Variants in ACBD6 observed in about 807,000 individuals in gnomAD.
ACBD6 encodes acyl-CoA binding domain containing 6.
Under a neutral mutation model 37.2 loss-of-function variants are expected in ACBD6, and 28 were observed. That is an observed-to-expected ratio of 0.75 (90% CI 0.56 to 1.03). ACBD6 has a LOEUF of 1.03. Ranked by LOEUF, ACBD6 falls within the 50% of genes least tolerant of loss-of-function variation. The probability of loss-of-function intolerance (pLI) is 0.00; values close to 1 mark genes in which losing one functional copy is unlikely to be tolerated. For missense variants in ACBD6, 340 were observed against 337.4 expected, an observed-to-expected ratio of 1.01 and a Z score of -0.06; for synonymous variants, 113 against 126.8, an observed-to-expected ratio of 0.89 and a Z score of 0.73.
chr1:180,475,961 T>C (rs939000296), intron 3 of ACBD6, among the ~76,000 whole-genome samples: 2 of 152,192 alleles, frequency 1.3e-5, no homozygotes, highest in Non-Finnish European at 2.9e-5. Context: ...AAATTTGTTA[T>C]TGAATATATT....
chr1:180,447,855 C>A (rs1649531358), intron 3 of ACBD6, among the ~76,000 whole-genome samples: 1 of 151,448 alleles, frequency 6.6e-6, no homozygotes, highest in Non-Finnish European at 1.5e-5. Context: ...GCAAGCAAAA[C>A]AAATGGTTAA....
intron 5 of ACBD6, among the ~76,000 whole-genome samples, chr1:180,406,344 T>A (rs1647624878): frequency 6.6e-6 from 1 of 152,026 alleles, no homozygotes; most frequent in South Asian, 2.1e-4. Flanking sequence ...TTCCTTGGAG[T>A]GTCACACTGT....
intron 6 of ACBD6, among the ~76,000 whole-genome samples, chr1:180,337,790 A>G (rs1478727067): frequency 6.6e-6 from 1 of 152,240 alleles, no homozygotes; most frequent in Admixed American, 6.5e-5. Context: ...TAAGCTGATA[A>G]GCAACTTCAG....
chr1:180,394,284 C>A lies in ACBD6; in HGVS notation c.663+3232G>T, dbSNP rs756695872. Among the ~76,000 whole-genome samples, 101 of 151,812 alleles carry A rather than the reference C, an allele frequency of 6.7e-4. 1 individual carries two copies. The highest frequency in any genetic ancestry group is 3.9e-4 in the Admixed American group (6 of 15,232). Reference sequence around the variant, plus strand: ...AAAAAAAAATGTGTGGAGATGGGGTCTCACTATGTTGCCCAGGCTGGTCTC... The same window carrying A: ...AAAAAAAAATGTGTGGAGATGGGGTATCACTATGTTGCCCAGGCTGGTCTC... On this transcript the variant is annotated intron_variant, in intron 6 of 7. Transcript: ENST00000367595.
chr1:180,325,324 C>T (rs529343311), intron 6 of ACBD6, among the ~76,000 whole-genome samples: 20 of 152,240 alleles, frequency 1.3e-4, no homozygotes, highest in African/African-American at 3.9e-4. Context: ...TCTTCAAGCT[C>T]ACAAATTCTT....
chr1:180,387,784 T>A (rs1291043445), intron 6 of ACBD6, among the ~76,000 whole-genome samples: 3 of 152,178 alleles, frequency 2.0e-5, no homozygotes, highest in Non-Finnish European at 4.4e-5. Flanking sequence ...TTCCTGTCCT[T>A]TGGCAAGAGA....
At chr1:180,501,943 C>T (rs1651998759) in intron 1 of ACBD6, 102 bp downstream of exon 1, 2 of 1,136,318 alleles carry the variant, frequency 1.8e-6, no homozygotes, top group East Asian at 2.5e-5. Flanking sequence ...CATACACAAG[C>T]TTCATTACAC....
chr1:180,291,335 A>G (rs1032111942), intron 7 of ACBD6, among the ~76,000 whole-genome samples: 1 of 152,224 alleles, frequency 6.6e-6, no homozygotes, highest in Non-Finnish European at 1.5e-5. Context: ...ACTCACACCA[A>G]TAAGTATAAA....
chr1:180,382,543 G>A (rs1015285236), intron 6 of ACBD6, among the ~76,000 whole-genome samples: 1 of 152,136 alleles, frequency 6.6e-6, no homozygotes. Context: ...AGTGAGTAAT[G>A]AGATTGAATC....
chr1:180,483,641 T>C (rs1271736664), intron 3 of ACBD6, among the ~76,000 whole-genome samples: 1 of 152,154 alleles, frequency 6.6e-6, no homozygotes, highest in Non-Finnish European at 1.5e-5. Flanking sequence ...TTATATTTGG[T>C]TCAATATAAA....
rs1263105859 is a variant in ACBD6 at position 180,502,239 on chromosome 1, C to T, written c.28G>A (p.Ala10Thr). ...TCTCCACCGCTGTCGCCGGTGATGG[C>T]CCCCGCGGGCAGGAATGATGAAGCC... MASSFLPAG[A>T]ITGDSGGELS... Residue 10 changes from alanine (A) to threonine (T), a missense_variant, in exon 1 of 8, where the codon GCC becomes ACC. Ala to Thr is a moderately conservative substitution (Grantham distance 58). Transcript: ENST00000367595. 6.2e-7 allele frequency: 1 copy of T among 1,613,678 alleles called. No homozygotes were observed. Among genetic ancestry groups the T allele is most frequent in the Non-Finnish European group, 8.5e-7 (1 of 1,180,020 alleles).
chr1:180,344,554 C>T (rs928047060), intron 6 of ACBD6, among the ~76,000 whole-genome samples: 4 of 152,114 alleles, frequency 2.6e-5, no homozygotes, highest in Non-Finnish European at 4.4e-5. Flanking sequence ...AATGTTTAAC[C>T]TTCCAGTGCT....
intron 6 of ACBD6, among the ~76,000 whole-genome samples, chr1:180,361,470 AGAC>A (rs144046307): frequency 0.72 from 109,664 of 151,270 alleles, 42,637 homozygotes; most frequent in Non-Finnish European, 0.88. Flanking sequence ...CAAATTTTAT[AGAC>A]ACTTTTTTAA....
At position 180,319,966 on chromosome 1, in the gene ACBD6, C is replaced by T. The variant is rs2262371; in HGVS notation, c.664-5244G>A. Among the ~76,000 whole-genome samples, 5 of 152,188 alleles carry T rather than the reference C, an allele frequency of 3.3e-5. No individual in the cohort carries two copies. In the South Asian group the frequency reaches 6.2e-4, roughly 19 times the overall value. ...TTGCAAACAGTGCTGCAACAAACAT[C>T]GGTGTATGTATATCCCTTCAACATA... On this transcript the variant is annotated intron_variant, in intron 6 of 7. Transcript: ENST00000367595.
At chr1:180,347,301 G>A (rs1652222003) in intron 6 of ACBD6, among the ~76,000 whole-genome samples, 1 of 148,430 alleles carries the variant, frequency 6.7e-6, no homozygotes, top group Non-Finnish European at 1.5e-5. Flanking sequence ...ACACATTTTA[G>A]AAGTAGGAAG....
intron 6 of ACBD6, among the ~76,000 whole-genome samples, chr1:180,316,182 T>C (rs988775827): frequency 4.6e-5 from 7 of 152,092 alleles, no homozygotes; most frequent in African/African-American, 1.7e-4. Context: ...AGCCTGACAA[T>C]GTGAAGTTCT....
intron 3 of ACBD6, among the ~76,000 whole-genome samples, chr1:180,454,541 A>G (rs2102032168): frequency 6.6e-6 from 1 of 152,338 alleles, no homozygotes; most frequent in East Asian, 1.9e-4. Context: ...TAATTAAACT[A>G]AAGAGCTTCT....
At chr1:180,367,184 G>C (rs897329931) in intron 6 of ACBD6, among the ~76,000 whole-genome samples, 13 of 152,120 alleles carry the variant, frequency 8.5e-5, no homozygotes, top group Admixed American at 7.9e-4. Context: ...CCTTTGCATT[G>C]GCATTTGTCT....
intron 6 of ACBD6, among the ~76,000 whole-genome samples, chr1:180,322,954 C>T (rs1235048550): frequency 6.6e-6 from 1 of 151,406 alleles, no homozygotes; most frequent in Non-Finnish European, 1.5e-5. Flanking sequence ...TTAGGATGCA[C>T]CATTAGGTTA....
Sources: gnomAD v4.1 joint callset for allele counts (sites outside exome capture counted in the v4.1 genomes callset) on GRCh38, gnomAD v4.1.1 for gene constraint, MANE v1.5 for transcripts, NCBI Gene and HGNC (gene_info 2026-07-23, HGNC 2026-07-21) for gene names.